MYO5A: variants seen among roughly 807,000 people sequenced by gnomAD.
MYO5A encodes the protein unconventional myosin-Va.
Under a neutral mutation model 249.7 loss-of-function variants are expected in MYO5A, and 98 were observed. The ratio of observed to expected loss-of-function variants is 0.39; its 90% CI spans 0.33 to 0.46. The LOEUF is 0.46. Ranked by LOEUF, MYO5A falls within the 20% of genes least tolerant of loss-of-function variation. The pLI, the probability that MYO5A is intolerant of heterozygous loss-of-function variation, is 0.98. For synonymous variants in MYO5A, 778 were observed against 810.6 expected (o/e 0.96, Z 0.68); for missense variants, 1,696 against 2,308.8 (o/e 0.73, Z 5.44).
rs573052025 is a variant in MYO5A at position 52,450,108 on chromosome 15, TCAGGAGTTTGAGAC to T, written c.28-16837_28-16824del. Among the ~76,000 whole-genome samples the T allele has an allele frequency of 3.0e-3, 453 of 152,046 alleles. 2 individuals carry two copies. Among genetic ancestry groups the T allele is most frequent in the African/African-American group, 0.011 (439 of 41,462 alleles). ...GCTTAGGTGGGAGGATCACTTGAGC[TCAGGAGTTTGAGAC>T]CAGCCTTGGCAACATAACAAGACCC... On this transcript the variant is annotated intron_variant, in intron 1 of 41. Transcript: ENST00000399233.
intron 23 of MYO5A, among the ~76,000 whole-genome samples, chr15:52,365,567 G>T (rs991078528): frequency 5.3e-5 from 8 of 152,138 alleles, no homozygotes; most frequent in Admixed American, 3.9e-4. Context: ...ATCTTAATCT[G>T]CCCTGCCTGC....
chr15:52,458,291 T>C (rs2076160867), intron 1 of MYO5A, among the ~76,000 whole-genome samples: 1 of 152,148 alleles, frequency 6.6e-6, no homozygotes, highest in African/African-American at 2.4e-5. Context: ...AAATGATAAA[T>C]GTGGCCGGGC....
intron 1 of MYO5A, among the ~76,000 whole-genome samples, chr15:52,439,531 GT>G: frequency 6.6e-6 from 1 of 152,288 alleles, no homozygotes; most frequent in South Asian, 2.1e-4. Flanking sequence ...CTGGCCCATA[GT>G]TTGTGGGCAG....
At chr15:52,318,923 G>T in intron 39 of MYO5A, 137 bp downstream of exon 39, 2 of 1,131,410 alleles carry the variant, frequency 1.8e-6, no homozygotes, top group Non-Finnish European at 1.3e-6. Flanking sequence ...CTCCGTGCCA[G>T]TTTCTCCCTT....
At chr15:52,358,785 T>G (rs1373961546) in intron 25 of MYO5A, among the ~76,000 whole-genome samples, 1 of 147,862 alleles carries the variant, frequency 6.8e-6, no homozygotes, top group African/African-American at 2.7e-5. Flanking sequence ...AATAAATTAC[T>G]GTTTTTTAAA....
intron 1 of MYO5A, among the ~76,000 whole-genome samples, chr15:52,463,776 T>C (rs1006056159): frequency 2.6e-5 from 4 of 152,234 alleles, no homozygotes; most frequent in African/African-American, 9.6e-5. Flanking sequence ...AGCATTGCCC[T>C]CTTCAGGTGC....
intron 25 of MYO5A, among the ~76,000 whole-genome samples, chr15:52,356,818 T>TTGGACCG (rs2040248392): frequency 2.5e-5 from 3 of 119,944 alleles, no homozygotes; most frequent in African/African-American, 8.8e-5. Context: ...TTTTTTTTTT[T>TTGGACCG]ATTTTCAGGA....
chr15:52,334,921 T>C (rs1432010991), intron 34 of MYO5A, among the ~76,000 whole-genome samples: 1 of 152,164 alleles, frequency 6.6e-6, no homozygotes, highest in Admixed American at 6.5e-5. Context: ...CTTGAGGATG[T>C]GACATATGAC....
chr15:52,433,397 G>A, intron 1 of MYO5A, 112 bp from the exon 2 acceptor site: 1 of 521,816 alleles, frequency 1.9e-6, no homozygotes, highest in Non-Finnish European at 3.5e-6. Flanking sequence ...AGAAATCTTG[G>A]CCAACATGAA....
rs774623928 is a variant in MYO5A at position 52,319,349 on chromosome 15, G to C, written c.4952-7C>G. ...TGTTCCAGCATGCCTGAGACTGCAGGAGTATTTCAATTGTTAGAGGAGATG... is the reference window on the plus strand; with the variant it reads ...TGTTCCAGCATGCCTGAGACTGCAGCAGTATTTCAATTGTTAGAGGAGATG... On this transcript the variant is annotated splice_region_variant and splice_polypyrimidine_tract_variant and intron_variant, in intron 38 of 41. Coordinates refer to ENST00000399233, the MANE Select transcript of MYO5A (RefSeq NM_001382347.1). The C allele has an allele frequency of 6.2e-7, 1 of 1,613,832 alleles. No homozygotes were observed. The highest frequency in any genetic ancestry group is 8.5e-7 in the Non-Finnish European group (1 of 1,179,834).
intron 30 of MYO5A, among the ~76,000 whole-genome samples, chr15:52,345,551 C>T (rs1385991126): frequency 1.3e-5 from 2 of 149,368 alleles, no homozygotes; most frequent in African/African-American, 2.5e-5. Context: ...CTCCACTTCA[C>T]TCCAGCCTAG....
chr15:52,510,693 G>C (rs955985404), intron 1 of MYO5A, among the ~76,000 whole-genome samples: 3 of 152,160 alleles, frequency 2.0e-5, no homozygotes, highest in Non-Finnish European at 4.4e-5. Context: ...GATTATCTAA[G>C]GTGAAACAGT....
Position 52,379,882 on chromosome 15 carries a change from T to G in MYO5A, c.2039A>C (p.Gln680Pro). The change falls in exon 17 of 42, where the codon CAG becomes CCG. Residue 680 changes from glutamine to proline, a missense_variant. Around this residue, in one of 5 missense-constraint regions of MYO5A, gnomAD observed 277 missense variants for 422.4 expected, o/e 0.66. Transcript: ENST00000399233. ...FTFDEKRAVQ[Q>P]LRACGVLETI... The stretch of plus-strand genomic sequence containing the variant: ...TTCCAGGACACCACATGCTCTCAGC[T>G]GCTGCACTGCCCTCTTCTCATCAAA... 6.2e-7 allele frequency: 1 copy of G among 1,614,122 alleles called. No individual in the cohort carries two copies. The highest frequency in any genetic ancestry group is 8.5e-7 in the Non-Finnish European group (1 of 1,179,972).
At chr15:52,513,976 CAAGAG>C (rs753192375) in intron 1 of MYO5A, among the ~76,000 whole-genome samples, 35 of 152,020 alleles carry the variant, frequency 2.3e-4, no homozygotes, top group Non-Finnish European at 2.4e-4. Context: ...TAAAACTGGC[CAAGAG>C]AAGAATAAAG....
intron 4 of MYO5A, among the ~76,000 whole-genome samples, chr15:52,423,070 T>C (rs1595652635): frequency 6.6e-6 from 1 of 152,170 alleles, no homozygotes; most frequent in African/African-American, 2.4e-5. Flanking sequence ...TAGGAATTCC[T>C]GTCTATTTAA....
chr15:52,342,677 G>A (rs1486572750), intron 31 of MYO5A, among the ~76,000 whole-genome samples: 1 of 152,148 alleles, frequency 6.6e-6, no homozygotes, highest in African/African-American at 2.4e-5. Flanking sequence ...TACTTTGAGA[G>A]GCTCAGGTGG....
intron 1 of MYO5A, among the ~76,000 whole-genome samples, chr15:52,450,843 G>GTTTTTTTTTTTTTTTTTTTTTTTTTTT (rs56842960): frequency 2.4e-5 from 2 of 84,590 alleles, no homozygotes; most frequent in Non-Finnish European, 4.1e-5. Flanking sequence ...CACTACTGTG[G>GTTTTTTTTTTTTTTTTTTTTTTTTTTT]TTTTTTTTTT....
chr15:52,424,762 ATTAAAC>A (rs1424175010), intron 4 of MYO5A, among the ~76,000 whole-genome samples: 5 of 152,188 alleles, frequency 3.3e-5, no homozygotes, highest in Admixed American at 1.3e-4. Flanking sequence ...GGAGAAATGA[ATTAAAC>A]TTAAACTATT....
chr15:52,404,797 T>A (rs527278595), intron 9 of MYO5A, among the ~76,000 whole-genome samples: 2 of 151,864 alleles, frequency 1.3e-5, no homozygotes, highest in African/African-American at 4.8e-5. Flanking sequence ...GGATGTAGAG[T>A]GTGAGAAACA....
Sources: allele counts gnomAD v4.1 joint callset (sites outside exome capture counted in the v4.1 genomes callset), GRCh38; gene constraint gnomAD v4.1.1; regional missense constraint gnomAD v4.1.1; transcripts MANE v1.5; gene names NCBI Gene and HGNC (gene_info 2026-07-23, HGNC 2026-07-21).